KCTD15: variants seen among roughly 807,000 people sequenced by gnomAD.
KCTD15 encodes BTB/POZ domain-containing protein KCTD15.
In KCTD15, 11 loss-of-function variants were observed where a neutral mutation model predicts 27.2. The ratio of observed to expected loss-of-function variants is 0.41; its 90% CI spans 0.25 to 0.67. The LOEUF (loss-of-function observed/expected upper bound fraction) is 0.67. Ranked by LOEUF, KCTD15 falls within the 30% of genes least tolerant of loss-of-function variation. The pLI, the probability that KCTD15 is intolerant of heterozygous loss-of-function variation, is 0.35. For missense variants in KCTD15, 350 were observed against 409.3 expected, an observed-to-expected ratio of 0.86 and a Z score of 1.25; for synonymous variants, 163 against 176.0, an observed-to-expected ratio of 0.93 and a Z score of 0.58.
chr19:33,807,031 C>G (rs1467530218), intron 5 of KCTD15, 24 bp downstream of exon 5: 1 of 1,610,322 alleles, frequency 6.2e-7, no homozygotes, highest in Non-Finnish European at 8.5e-7. Flanking sequence ...TGGTGGCCCC[C>G]CTGCACTGCC....
At chr19:33,802,705 A>T (rs1975598125) in intron 4 of KCTD15, among the ~76,000 whole-genome samples, 1 of 152,092 alleles carries the variant, frequency 6.6e-6, no homozygotes, top group African/African-American at 2.4e-5. Context: ...TGGGAGATAG[A>T]TTCTGCTTAT....
chr19:33,812,201 C>T (rs933814472), intron 6 of KCTD15: 3 of 1,099,780 alleles, frequency 2.7e-6, no homozygotes, highest in Non-Finnish European at 2.2e-6. Flanking sequence ...TACACGCAGT[C>T]ATCAGACCTC....
chr19:33,798,966 G>GC (rs1975442644), intron 2 of KCTD15, among the ~76,000 whole-genome samples, 200 bp downstream of exon 2: 1 of 152,196 alleles, frequency 6.6e-6, no homozygotes, highest in African/African-American at 2.4e-5. Context: ...TATCCTCAGC[G>GC]CGTCTTCCCT....
chr19:33,795,365 GC>G (rs576272198), upstream of KCTD15, among the ~76,000 whole-genome samples: 4 of 151,748 alleles, frequency 2.6e-5, no homozygotes, highest in African/African-American at 4.8e-5. Flanking sequence ...GAGGGAGAAA[GC>G]CCCCCCCACT....
At chr19:33,812,033 G>C (rs2145497623) in intron 6 of KCTD15, 1 of 1,421,302 alleles carries the variant, frequency 7.0e-7, no homozygotes, top group African/African-American at 1.4e-5. Flanking sequence ...GGACAGCTCA[G>C]ATGGAGTGAG....
chr19:33,804,984 G>A (rs1385855208), intron 4 of KCTD15, among the ~76,000 whole-genome samples: 3 of 152,134 alleles, frequency 2.0e-5, no homozygotes, highest in Admixed American at 1.3e-4. Flanking sequence ...GCTGGAGTAC[G>A]TGGTGTGATC....
chr19:33,809,276 GTAAA>G (rs553452069), intron 5 of KCTD15, among the ~76,000 whole-genome samples: 90 of 152,218 alleles, frequency 5.9e-4, no homozygotes, highest in Non-Finnish European at 1.2e-3. Flanking sequence ...GGTTTCATAA[GTAAA>G]TAAATAAACT....
intron 3 of KCTD15, among the ~76,000 whole-genome samples, chr19:33,800,811 C>T (rs1049233548): frequency 1.3e-5 from 2 of 152,156 alleles, no homozygotes; most frequent in South Asian, 2.1e-4. Flanking sequence ...ATTGGTGATT[C>T]GTTTGTCAGG....
At chr19:33,798,912 TC>T (rs1975441324) in intron 2 of KCTD15, 146 bp downstream of exon 2, 4 of 152,278 alleles carry the variant, frequency 2.6e-5, no homozygotes, top group Admixed American at 2.6e-4. Flanking sequence ...CATCTTGCAG[TC>T]CGCTTTGATA....
At chr19:33,803,225 T>A (rs1017181764) in intron 4 of KCTD15, among the ~76,000 whole-genome samples, 1 of 152,100 alleles carries the variant, frequency 6.6e-6, no homozygotes, top group African/African-American at 2.4e-5. Context: ...CAGGGATGGC[T>A]GACCTGCAGG....
intron 3 of KCTD15, among the ~76,000 whole-genome samples, 195 bp downstream of exon 3, chr19:33,800,715 G>A (rs113628248): frequency 3.2e-4 from 48 of 152,244 alleles, no homozygotes; most frequent in African/African-American, 6.7e-4. Context: ...AAAACTCAAC[G>A]CCTTAGGTGC....
Position 33,811,232 on chromosome 19 carries a change from T to C in KCTD15, c.388-15T>C, listed in dbSNP as rs1264234159. ...CTCCGACACCCACATCAACACCCTG[T>C]GCGCCTGTCCCCAGGACTTCAGTCT... On this transcript the variant is annotated splice_polypyrimidine_tract_variant and intron_variant, in intron 5 of 6. Coordinates refer to ENST00000683859, the MANE Select transcript of KCTD15 (RefSeq NM_001129994.2). The C allele has an allele frequency of 7.2e-7, 1 of 1,385,152 alleles. No homozygotes were observed. The highest frequency in any genetic ancestry group is 3.2e-5 in the East Asian group (1 of 31,414). The allele number at this position is 1,385,152 out of a possible 1,614,324, so 85.8% of individuals were successfully genotyped here.
intron 4 of KCTD15, 102 bp downstream of exon 4, chr19:33,801,444 A>C: frequency 1.2e-5 from 12 of 1,042,526 alleles, no homozygotes; most frequent in African/African-American, 1.6e-5. Flanking sequence ...CACTCCACCC[A>C]CCAGGGTCTC....
At position 33,800,425 on chromosome 19, in the gene KCTD15, C is replaced by CA. The variant is rs749108411; in HGVS notation, c.-27-2dup. On this transcript the variant is annotated splice_polypyrimidine_tract_variant and splice_region_variant and intron_variant, in intron 2 of 6. Transcript: ENST00000683859. ...TCTCTGGTTTTGTCGATGCCTCCCG[C>CA]AGATACTCTGGGCAGGGATGGAAGC... 1 of 1,590,790 alleles carries CA rather than the reference C, an allele frequency of 6.3e-7. No homozygotes were observed. The highest frequency in any genetic ancestry group is 2.3e-5 in the East Asian group (1 of 44,008).
chr19:33,807,117 T>TA (rs1975737589), intron 5 of KCTD15, 110 bp downstream of exon 5: 2 of 1,330,724 alleles, frequency 1.5e-6, no homozygotes, highest in South Asian at 1.4e-5. Context: ...CATAAAAAGT[T>TA]AAACGATGAA....
rs1220662217 is a variant in KCTD15, at chr19:33,798,700, A to C, written c.-94A>C. ...CTCGGAAAGAGGGTCGTGGTCCCGC[A>C]CGGATGCGCTTGTTGGGAGAAACCT... On this transcript the variant is annotated 5_prime_UTR_variant, in exon 2 of 7. Coordinates refer to ENST00000683859, the MANE Select transcript of KCTD15 (RefSeq NM_001129994.2). 1 of 152,626 alleles carries C rather than the reference A, an allele frequency of 6.6e-6. No homozygotes were observed. The highest frequency in any genetic ancestry group is 2.4e-5 in the African/African-American group (1 of 41,444). 9.5% of individuals were successfully genotyped at this position (152,626 alleles called of 1,614,324 possible).
Position 33,798,780 on chromosome 19 carries a change from T to C in KCTD15, c.-28+14T>C, listed in dbSNP as rs1012295762. ...GGGCTTCCAACGGTAAGTTTCTGGC[T>C]TGCCATGAACATCAGGTTGTTCTTG... On this transcript the variant is annotated intron_variant, in intron 2 of 6. Transcript: ENST00000683859. 2.6e-5 allele frequency: 4 copies of C among 152,648 alleles called. No homozygotes were observed. Among genetic ancestry groups the C allele is most frequent in the African/African-American group, 9.6e-5 (4 of 41,460 alleles). The allele number at this position is 152,648 out of a possible 1,614,324, so 9.5% of individuals were successfully genotyped here.
intron 1 of KCTD15, chr19:33,798,163 G>T (rs1975412983): frequency 6.6e-6 from 1 of 152,244 alleles, no homozygotes; most frequent in African/African-American, 2.4e-5. Flanking sequence ...GGACAATTGT[G>T]CAGGCCCCCA....
chr19:33,797,567 GCGA>G (rs1482649572), intron 1 of KCTD15, among the ~76,000 whole-genome samples: 1 of 152,084 alleles, frequency 6.6e-6, no homozygotes, highest in Non-Finnish European at 1.5e-5. Context: ...GAGAGGGGCC[GCGA>G]TGGGAGGGAT....
Sources: gnomAD v4.1 joint callset for allele counts (sites outside exome capture counted in the v4.1 genomes callset) on GRCh38, gnomAD v4.1.1 for gene constraint, MANE v1.5 for transcripts, NCBI Gene and HGNC (gene_info 2026-07-23, HGNC 2026-07-21) for gene names.